NCOR2: variants seen among roughly 807,000 people sequenced by gnomAD.
NCOR2 encodes the protein CTG repeat protein 26.
NCOR2 carries 81 observed loss-of-function variants against 262.9 expected under a neutral mutation model. That is an observed-to-expected ratio of 0.31 (90% confidence interval 0.26 to 0.37). The LOEUF is 0.37. Ranked by LOEUF, NCOR2 falls within the 10% of genes least tolerant of loss-of-function variation. NCOR2 has a pLI of 1.00. For synonymous variants in NCOR2, 1,659 were observed against 1,559.3 expected, an observed-to-expected ratio of 1.06 and a Z score of -1.51; for missense variants, 3,385 against 3,621.4, an observed-to-expected ratio of 0.93 and a Z score of 1.68.
intron 3 of NCOR2, among the ~76,000 whole-genome samples, chr12:124,476,073 G>A (rs899046815): frequency 1.3e-5 from 2 of 152,202 alleles, no homozygotes; most frequent in Non-Finnish European, 2.9e-5. Flanking sequence ...TGGGTGTGGG[G>A]CCCTCACTGC....
intron 43 of NCOR2, among the ~76,000 whole-genome samples, chr12:124,331,251 C>T (rs1391223159): frequency 3.3e-5 from 5 of 151,876 alleles, no homozygotes; most frequent in African/African-American, 1.2e-4. Context: ...TTAGTAGAGA[C>T]GGGGTTTCAC....
Position 124,485,571 on chromosome 12 carries a change from G to A in NCOR2, c.233+870C>T, listed in dbSNP as rs557179117. On this transcript the variant is annotated intron_variant, in intron 2 of 46. Transcript: ENST00000405201. ...CGCCCAGTTTGTGGCACGTTGCGACGGCAGGCCCAGGAAACCAATCCAGGT... is the reference window on the plus strand; with the variant it reads ...CGCCCAGTTTGTGGCACGTTGCGACAGCAGGCCCAGGAAACCAATCCAGGT... Among the ~76,000 whole-genome samples, 10 of 152,322 alleles carry A rather than the reference G, an allele frequency of 6.6e-5. No individual in the cohort carries two copies. In the South Asian group the frequency reaches 1.0e-3, roughly 16 times the overall value.
At chr12:124,392,209 T>C (rs2041355302) in intron 16 of NCOR2, among the ~76,000 whole-genome samples, 1 of 152,152 alleles carries the variant, frequency 6.6e-6, no homozygotes, top group Non-Finnish European at 1.5e-5. Context: ...AAGGGGGGCT[T>C]GTTGATGCCT....
intron 1 of NCOR2, among the ~76,000 whole-genome samples, chr12:124,512,073 G>C (rs192470916): frequency 6.6e-6 from 1 of 152,094 alleles, no homozygotes; most frequent in South Asian, 2.1e-4. Context: ...CACCACATCC[G>C]GCTAATTTTT....
rs55847449 is a variant in NCOR2, at chr12:124,457,409, G to A, written c.706-247C>T. On this transcript the variant is annotated intron_variant, in intron 5 of 46. Coordinates refer to ENST00000405201, the Ensembl canonical transcript of NCOR2. The surrounding 1 kb of genome is among the most constrained non-coding windows in gnomAD (Gnocchi z 4.0). The stretch of plus-strand genomic sequence containing the variant: ...AAGTTTCGATTTTAGCAAATGCGCC[G>A]GGTCCACTGAAGCCTGCTCCCCGGC... 0.094 allele frequency among the ~76,000 whole-genome samples: 14,313 copies of A among 151,986 alleles called. 880 individuals carry two copies. Among genetic ancestry groups the A allele is most frequent in the South Asian group, 0.17 (841 of 4,810 alleles).
intron 45 of NCOR2, among the ~76,000 whole-genome samples, chr12:124,327,066 G>C (rs1241169628): frequency 1.3e-5 from 2 of 152,178 alleles, no homozygotes; most frequent in Non-Finnish European, 2.9e-5. Flanking sequence ...ACTCCAGCCT[G>C]CTCTCCCCCA....
chr12:124,535,166 C>A lies in NCOR2; in HGVS notation c.-118+399G>T, dbSNP rs182946230. On this transcript the variant is annotated intron_variant, in intron 1 of 46. Transcript: ENST00000404621. ...AGGGCTTCCTCCAGCACCCAACACC[C>A]GAACACCTGGGCCCATCGACAGGCC... 2.0e-3 allele frequency among the ~76,000 whole-genome samples: 304 copies of A among 152,346 alleles called. 2 individuals are homozygous for A. The highest frequency in any genetic ancestry group is 6.8e-3 in the African/African-American group (283 of 41,578).
At chr12:124,453,854 C>T (rs2045690702) in intron 6 of NCOR2, among the ~76,000 whole-genome samples, 1 of 152,256 alleles carries the variant, frequency 6.6e-6, no homozygotes, top group South Asian at 2.1e-4. Flanking sequence ...GTGCCCCCGA[C>T]CCCTGGTTAG....
At chr12:124,425,361 G>A (rs1019320909) in intron 11 of NCOR2, among the ~76,000 whole-genome samples, 10 of 151,588 alleles carry the variant, frequency 6.6e-5, no homozygotes, top group Admixed American at 5.3e-4. Context: ...GCAACAGAAC[G>A]AAACTCTGTC....
At chr12:124,339,905 A>ACCCCC in intron 37 of NCOR2, 101 bp downstream of exon 39, 7 of 163,594 alleles carry the variant, frequency 4.3e-5, no homozygotes, top group Non-Finnish European at 5.6e-5. Flanking sequence ...CCACCCACCC[A>ACCCCC]CCTCCCATAT....
At chr12:124,534,821 G>C (rs2051041152) in intron 1 of NCOR2, among the ~76,000 whole-genome samples, 1 of 152,224 alleles carries the variant, frequency 6.6e-6, no homozygotes, top group Admixed American at 6.5e-5. Flanking sequence ...CTTGTAAAAT[G>C]AGGCACCACC....
chr12:124,355,089 T>C (rs1207695118), intron 24 of NCOR2, 150 bp from the exon 27 acceptor site: 1 of 677,664 alleles, frequency 1.5e-6, no homozygotes, highest in Non-Finnish European at 2.5e-6. Context: ...TCACTGCTAC[T>C]CCCAAGCCTC....
At position 124,458,831 on chromosome 12, in the gene NCOR2, G is replaced by A. The variant is rs555021464; in HGVS notation, c.706-1669C>T. 1.1e-4 allele frequency among the ~76,000 whole-genome samples: 16 copies of A among 152,252 alleles called. No homozygotes were observed. In the South Asian group the frequency reaches 2.1e-3, roughly 20 times the overall value. On this transcript the variant is annotated intron_variant, in intron 5 of 46. Transcript: ENST00000405201. ...CGGTGGATGGGGGCAGACATCACCC[G>A]GAGAGTCAATGTCCCAGCCACACCC...
At chr12:124,338,714 G>A (rs948230992) in intron 37 of NCOR2, among the ~76,000 whole-genome samples, 2 of 151,826 alleles carry the variant, frequency 1.3e-5, no homozygotes, top group Non-Finnish European at 2.9e-5. Flanking sequence ...GTGGGGGACC[G>A]GGAAAGTCTT....
intron 13 of NCOR2, among the ~76,000 whole-genome samples, chr12:124,417,599 CTGA>C (rs2042980577): frequency 1.3e-5 from 2 of 151,400 alleles, no homozygotes; most frequent in South Asian, 4.2e-4. Flanking sequence ...CAACAGACGC[CTGA>C]TGATGTTTTC....
intron 14 of NCOR2, 66 bp downstream of exon 16, chr12:124,402,338 C>A (rs1452863846): frequency 1.3e-6 from 2 of 1,599,928 alleles, no homozygotes; most frequent in East Asian, 2.2e-5. Flanking sequence ...AAGGGTCCCC[C>A]AGAACCGTGT....
At position 124,484,966 on chromosome 12, in the gene NCOR2, A is replaced by G. The variant is rs1428023463; in HGVS notation, c.234-1193T>C. On this transcript the variant is annotated intron_variant, in intron 2 of 46. Coordinates refer to ENST00000405201, the Ensembl canonical transcript of NCOR2. ...GGCCGTGTTGCTGGCCCCCCCGGGG[A>G]GCGGGGCAGCCACCCCTCTGTGCTC... 1.3e-5 allele frequency among the ~76,000 whole-genome samples: 2 copies of G among 152,046 alleles called. 1 individual carries two copies. The highest frequency in any genetic ancestry group is 4.8e-5 in the African/African-American group (2 of 41,398).
In NCOR2 at chr12:124,479,328, G is replaced by A. The variant is rs553552011; in HGVS notation, c.411+4268C>T. Among the ~76,000 whole-genome samples the A allele has an allele frequency of 6.2e-3, 926 of 150,262 alleles. 16 individuals are homozygous for A. Among genetic ancestry groups the A allele is most frequent in the African/African-American group, 0.021 (844 of 40,690 alleles). On this transcript the variant is annotated intron_variant, in intron 3 of 46. Coordinates refer to ENST00000405201, the Ensembl canonical transcript of NCOR2. Reference sequence around the variant, plus strand: ...CATGCACGGACACATGCACACACGTGCGCACACAAACACACATACACACGT... The same window carrying A: ...CATGCACGGACACATGCACACACGTACGCACACAAACACACATACACACGT...
chr12:124,487,972 T>C (rs992489050), intron 1 of NCOR2, among the ~76,000 whole-genome samples: 1 of 152,082 alleles, frequency 6.6e-6, no homozygotes, highest in Non-Finnish European at 1.5e-5. Flanking sequence ...TCTGTCTGCC[T>C]GGAACACTCA....
Sources: gnomAD v4.1 joint callset for allele counts (sites outside exome capture counted in the v4.1 genomes callset) on GRCh38, gnomAD v4.1.1 for gene constraint, Gnocchi (gnomAD v3.1) non-coding constraint, MANE v1.5 for transcripts, NCBI Gene and HGNC (gene_info 2026-07-23, HGNC 2026-07-21) for gene names.